Variants in VPS53 observed in about 807,000 individuals in gnomAD.
VPS53 encodes vacuolar protein sorting-associated protein 53 homolog.
In VPS53, 70 loss-of-function variants were observed where a neutral mutation model predicts 107.0. The observed-to-expected ratio is 0.65, with a 90% CI of 0.54 to 0.80. The LOEUF (loss-of-function observed/expected upper bound fraction) is 0.80. Ranked by LOEUF, VPS53 falls within the 30% of genes least tolerant of loss-of-function variation. VPS53 has a pLI of 0.00. For missense variants in VPS53, 917 were observed against 1,049.4 expected (o/e 0.87, Z 1.74); for synonymous variants, 409 against 393.3 (o/e 1.04, Z -0.47).
In VPS53 at chr17:519,983, A is replaced by C; in HGVS notation, c.2224-53T>G. 1 of 1,300,658 alleles carries C rather than the reference A, an allele frequency of 7.7e-7. No individual in the cohort carries two copies. Among genetic ancestry groups the C allele is most frequent in the African/African-American group, 1.5e-5 (1 of 68,108 alleles). The allele number at this position is 1,300,658 out of a possible 1,614,324, so 80.6% of individuals were successfully genotyped here. A position where few individuals can be genotyped will look rare whatever the true frequency, so the allele number is the denominator to read the frequency against. On this transcript the variant is annotated intron_variant, in intron 20 of 21. Coordinates refer to ENST00000437048, the MANE Select transcript of VPS53 (RefSeq NM_001128159.3). This position sits in a 1 kb window ranked among gnomAD's most constrained non-coding sequence, Gnocchi z 5.0. ...CCCTCAGGAAAACTACCACCACGGG[A>C]GGAGACAGGAGCGGGCCCTCAAGAA...
intron 13 of VPS53, among the ~76,000 whole-genome samples, chr17:564,719 GA>G (rs71145752): frequency 0.16 from 23,900 of 148,344 alleles, 2,138 homozygotes; most frequent in South Asian, 0.24. Context: ...TTGATATCTG[GA>G]AAAAAAAAAC....
intron 7 of VPS53, among the ~76,000 whole-genome samples, chr17:648,200 A>G (rs1479365829): frequency 6.6e-6 from 1 of 152,220 alleles, no homozygotes. Context: ...TTTCTCGCCC[A>G]CGAGCAGGTA....
intron 10 of VPS53, among the ~76,000 whole-genome samples, chr17:626,112 G>A (rs1017669105): frequency 2.6e-5 from 4 of 152,104 alleles, no homozygotes; most frequent in African/African-American, 9.7e-5. Context: ...AGGAGGCTGA[G>A]GTGGGAGAAT....
At position 516,746 on chromosome 17, in the gene VPS53, C is replaced by T. The variant is rs983341756; in HGVS notation, c.*2382G>A. The T allele has an allele frequency of 1.3e-5, 2 of 152,188 alleles. No homozygotes were observed. Among genetic ancestry groups the T allele is most frequent in the Non-Finnish European group, 2.9e-5 (2 of 68,056 alleles). The allele number at this position is 152,188 out of a possible 1,614,324, so 9.4% of individuals were successfully genotyped here. A position where few individuals can be genotyped will look rare whatever the true frequency, so the allele number is the denominator to read the frequency against. ...ACAGCGTCTCTACACAGTACTGAGTCCCCATCAAGGAGACATTTAACAGAA... is the reference window on the plus strand; with the variant it reads ...ACAGCGTCTCTACACAGTACTGAGTTCCCATCAAGGAGACATTTAACAGAA... On this transcript the variant is annotated 3_prime_UTR_variant, in exon 22 of 22. Coordinates refer to ENST00000437048, the MANE Select transcript of VPS53 (RefSeq NM_001128159.3).
chr17:709,460 C>T (rs1597516531), intron 2 of VPS53, among the ~76,000 whole-genome samples: 1 of 152,204 alleles, frequency 6.6e-6, no homozygotes, highest in African/African-American at 2.4e-5. Flanking sequence ...CCCTCAAGCT[C>T]GGCAGACAGG....
Position 520,621 on chromosome 17 carries a change from GC to G in VPS53, c.2224-692del, listed in dbSNP as rs1297945977. Among the ~76,000 whole-genome samples, 1 of 152,132 alleles carries G rather than the reference GC, an allele frequency of 6.6e-6. No individual in the cohort carries two copies. The highest frequency in any genetic ancestry group is 2.4e-5 in the African/African-American group (1 of 41,424). ...TGCAGTATCTGATTTTCTTTCCCCA[GC>G]CGACTGATTTGTTTTGAATTCCTGA... On this transcript the variant is annotated intron_variant, in intron 20 of 21. Transcript: ENST00000437048. This position sits in a 1 kb window ranked among gnomAD's most constrained non-coding sequence, Gnocchi z 4.4.
chr17:700,322 C>T (rs577322623), intron 2 of VPS53, among the ~76,000 whole-genome samples: 1 of 152,050 alleles, frequency 6.6e-6, no homozygotes, highest in South Asian at 2.1e-4. Flanking sequence ...GCAGGCGGAT[C>T]ACCTGAGGTC....
chr17:696,097 A>G (rs1251714064), intron 4 of VPS53, among the ~76,000 whole-genome samples: 1 of 152,250 alleles, frequency 6.6e-6, no homozygotes, highest in African/African-American at 2.4e-5. Flanking sequence ...ACAGGAGTCC[A>G]GAAAACCAGA....
chr17:608,267 A>G (rs34135607), intron 11 of VPS53, among the ~76,000 whole-genome samples: 21,485 of 152,238 alleles, frequency 0.14, 1,934 homozygotes, highest in South Asian at 0.23. Context: ...CTAGACCCTA[A>G]GTGCCTTCCC....
chr17:651,913 G>T (rs1380965574), intron 7 of VPS53, among the ~76,000 whole-genome samples: 1 of 152,014 alleles, frequency 6.6e-6, no homozygotes, highest in African/African-American at 2.4e-5. Context: ...ATCTGAATCT[G>T]GGATTAAAAC....
At chr17:523,324 G>C (rs1908888507) in intron 19 of VPS53, 1 of 152,442 alleles carries the variant, frequency 6.6e-6, no homozygotes, top group Admixed American at 6.5e-5. Context: ...AGCTCCCAAT[G>C]CCACCACTCA....
At position 704,170 on chromosome 17, in the gene VPS53, T is replaced by C. The variant is rs188673659; in HGVS notation, c.169-4790A>G. 5.0e-3 allele frequency among the ~76,000 whole-genome samples: 762 copies of C among 152,312 alleles called. 5 individuals are homozygous for C. Among genetic ancestry groups the C allele is most frequent in the Middle Eastern group, 0.01 (3 of 294 alleles). ...CAAATGATTATCTTCAGTTTACTAT[T>C]AGGAGGCTAAAACGATTTTCTAGAC... On this transcript the variant is annotated intron_variant, in intron 2 of 21. Coordinates refer to ENST00000437048, the MANE Select transcript of VPS53 (RefSeq NM_001128159.3).
intron 11 of VPS53, among the ~76,000 whole-genome samples, chr17:614,011 G>A (rs1303067813): frequency 6.6e-6 from 1 of 152,190 alleles, no homozygotes; most frequent in Non-Finnish European, 1.5e-5. Context: ...AGGGAGGGAA[G>A]GCAGACACAA....
At chr17:605,319 C>T (rs182794111) in intron 11 of VPS53, among the ~76,000 whole-genome samples, 202 of 152,224 alleles carry the variant, frequency 1.3e-3, no homozygotes, top group African/African-American at 3.7e-3. Context: ...CACACAGGGT[C>T]ATCAGAAAAG....
chr17:710,560 A>G lies in VPS53; in HGVS notation c.141T>C (p.Tyr47=), dbSNP rs759519775. The G allele has an allele frequency of 6.2e-7, 1 of 1,614,118 alleles. No homozygotes were observed. The highest frequency in any genetic ancestry group is 2.2e-5 in the East Asian group (1 of 44,874). The change falls in exon 2 of 22, where the codon TAT becomes TAC. Residue 47 remains tyrosine, a synonymous_variant. Coordinates refer to ENST00000437048, the MANE Select transcript of VPS53 (RefSeq NM_001128159.3). ...LDRADFNAVE[Y]INTLFPTEQS... Reference sequence around the variant, plus strand: ...GCTCGGTTGGGAACAGGGTATTGATATACTCAACAGCATTGAAATCTGCTC... The same window carrying G: ...GCTCGGTTGGGAACAGGGTATTGATGTACTCAACAGCATTGAAATCTGCTC...
chr17:595,794 A>G (rs1450387390), intron 12 of VPS53, among the ~76,000 whole-genome samples: 1 of 129,472 alleles, frequency 7.7e-6, no homozygotes, highest in Non-Finnish European at 1.6e-5. Context: ...GTCTGGATCA[A>G]TTTCCTGATT....
At chr17:690,466 C>A (rs149080155) in intron 4 of VPS53, among the ~76,000 whole-genome samples, 8 of 152,338 alleles carry the variant, frequency 5.3e-5, no homozygotes, top group African/African-American at 1.9e-4. Flanking sequence ...ACTGATAGAT[C>A]TGGCAATTCC....
chr17:628,374 T>A (rs1466090697), intron 8 of VPS53, 143 bp from the exon 9 acceptor site: 4 of 1,010,084 alleles, frequency 4.0e-6, no homozygotes, highest in Non-Finnish European at 5.6e-6. Context: ...TGTGGCTGGA[T>A]CTGTCAGTTA....
chr17:566,448 GC>G (rs1295912055), intron 13 of VPS53, among the ~76,000 whole-genome samples: 1 of 152,156 alleles, frequency 6.6e-6, no homozygotes, highest in Admixed American at 6.5e-5. Flanking sequence ...TGACGTTTAT[GC>G]TGGTTCTGCT....
Sources: allele counts gnomAD v4.1 joint callset (sites outside exome capture counted in the v4.1 genomes callset), GRCh38; gene constraint gnomAD v4.1.1; non-coding constraint Gnocchi (gnomAD v3.1); transcripts MANE v1.5; gene names NCBI Gene and HGNC (gene_info 2026-07-23, HGNC 2026-07-21).